Variants in BTC observed in about 807,000 individuals in gnomAD.
BTC encodes the protein probetacellulin.
In BTC, 13 loss-of-function variants were observed where a neutral mutation model predicts 18.1. The ratio of observed to expected loss-of-function variants is 0.72; its 90% CI spans 0.47 to 1.14. BTC has a LOEUF of 1.14. Among genes scored for constraint, BTC ranks in the 50% most tolerant of loss-of-function variants. The probability of loss-of-function intolerance (pLI) is 0.00; values close to 1 mark genes in which losing one functional copy is unlikely to be tolerated. For synonymous variants in BTC, 83 were observed against 79.4 expected (o/e 1.05, Z -0.24); for missense variants, 247 against 224.2 (o/e 1.10, Z -0.65).
At chr4:74,780,494 T>C (rs1725289474) in intron 1 of BTC, among the ~76,000 whole-genome samples, 1 of 152,202 alleles carries the variant, frequency 6.6e-6, no homozygotes, top group African/African-American at 2.4e-5. Context: ...GTCATTTACC[T>C]AAAAATGAGC....
intron 1 of BTC, 102 bp downstream of exon 1, chr4:74,794,160 C>A: frequency 7.0e-7 from 1 of 1,433,626 alleles, no homozygotes; most frequent in Non-Finnish European, 9.5e-7. Flanking sequence ...AGCCCCAGCG[C>A]GCCCTCTTGT....
intron 1 of BTC, among the ~76,000 whole-genome samples, chr4:74,786,914 CCTT>C (rs1453812802): frequency 6.6e-6 from 1 of 152,068 alleles, no homozygotes; most frequent in Non-Finnish European, 1.5e-5. Flanking sequence ...AGAAACCTGT[CCTT>C]CTACCACATC....
In BTC at chr4:74,746,190, A is replaced by AC. The variant is rs1421085294; in HGVS notation, c.*486_*487insG. 4 of 152,224 alleles carry AC rather than the reference A, an allele frequency of 2.6e-5. No homozygotes were observed. The highest frequency in any genetic ancestry group is 9.6e-5 in the African/African-American group (4 of 41,456). 9.4% of individuals were successfully genotyped at this position (152,224 alleles called of 1,614,324 possible). On this transcript the variant is annotated 3_prime_UTR_variant, in exon 6 of 6. Transcript: ENST00000395743. Reference sequence around the variant, plus strand: ...ATCTCCAACTCTCTAAATCTGGATTAGATTATTTGACTTGACTTCTTTGGC... The same window carrying AC: ...ATCTCCAACTCTCTAAATCTGGATTACGATTATTTGACTTGACTTCTTTGGC...
At chr4:74,790,937 G>A (rs1175552512) in intron 1 of BTC, among the ~76,000 whole-genome samples, 1 of 152,158 alleles carries the variant, frequency 6.6e-6, no homozygotes. Context: ...GAGACAGCTA[G>A]GATGAGCTTA....
chr4:74,788,683 G>A (rs193020204), intron 1 of BTC, among the ~76,000 whole-genome samples: 10 of 152,248 alleles, frequency 6.6e-5, no homozygotes, highest in Non-Finnish European at 1.3e-4. Flanking sequence ...AATAATGATA[G>A]TACTTTTCAT....
At chr4:74,766,262 T>G (rs1577957791) in intron 2 of BTC, among the ~76,000 whole-genome samples, 1 of 152,082 alleles carries the variant, frequency 6.6e-6, no homozygotes, top group East Asian at 1.9e-4. Flanking sequence ...ACAATACATT[T>G]GTATTATAAA....
chr4:74,785,516 G>T (rs1315519242), intron 1 of BTC, among the ~76,000 whole-genome samples: 1 of 152,072 alleles, frequency 6.6e-6, no homozygotes, highest in African/African-American at 2.4e-5. Flanking sequence ...GAAATGTTAG[G>T]TTGTTAACTT....
At chr4:74,750,514 A>T in intron 4 of BTC, 59 bp downstream of exon 4, 2 of 1,507,524 alleles carry the variant, frequency 1.3e-6, no homozygotes, top group Non-Finnish European at 1.8e-6. Flanking sequence ...AAAAGAAGAA[A>T]AACTATGAGC....
rs546839304 is a variant in BTC at position 74,793,905 on chromosome 4, C to G, written c.64+357G>C. Among the ~76,000 whole-genome samples, 5 of 150,402 alleles carry G rather than the reference C, an allele frequency of 3.3e-5. No individual in the cohort carries two copies. The East Asian group carries it at 1.0e-3, about 30-fold the overall frequency. ...GCCCCCACCCCCCGACCCTCACTTG[C>G]GAGCACAGCGCCTCACCCCGGTGGA... On this transcript the variant is annotated intron_variant, in intron 1 of 5. Coordinates refer to ENST00000395743, the MANE Select transcript of BTC (RefSeq NM_001729.4).
intron 1 of BTC, among the ~76,000 whole-genome samples, chr4:74,793,460 G>T (rs1327607548): frequency 6.6e-6 from 1 of 152,156 alleles, no homozygotes; most frequent in East Asian, 1.9e-4. Context: ...CCACATAAAT[G>T]CTCCAAACCC....
At chr4:74,748,010 G>T in intron 5 of BTC, 30 bp downstream of exon 5, 2 of 1,338,910 alleles carry the variant, frequency 1.5e-6, no homozygotes, top group Non-Finnish European at 1.0e-6. Context: ...CACCTGAATA[G>T]TTTTCTATCA....
rs559645783 is a variant in BTC at position 74,750,482 on chromosome 4, A to G, written c.428+91T>C. 7.4e-6 allele frequency: 10 copies of G among 1,351,116 alleles called. No homozygotes were observed. In the African/African-American group the frequency reaches 8.9e-5, roughly 12 times the overall value. The allele number at this position is 1,351,116 out of a possible 1,614,324, so 83.7% of individuals were successfully genotyped here. A position where few individuals can be genotyped will look rare whatever the true frequency, so the allele number is the denominator to read the frequency against. ...AATTTATTTGAATCAAAGAAAAAGCAAAAGAGAATGTAAAGAGGAAGAAAA... is the reference window on the plus strand; with the variant it reads ...AATTTATTTGAATCAAAGAAAAAGCGAAAGAGAATGTAAAGAGGAAGAAAA... On this transcript the variant is annotated intron_variant, in intron 4 of 5. Coordinates refer to ENST00000395743, the MANE Select transcript of BTC (RefSeq NM_001729.4).
At chr4:74,773,660 A>T (rs1447152260) in intron 1 of BTC, among the ~76,000 whole-genome samples, 1 of 151,086 alleles carries the variant, frequency 6.6e-6, no homozygotes, top group Non-Finnish European at 1.5e-5. Context: ...TGCCCAGGAT[A>T]GAGGGCAGTG....
chr4:74,750,457 A>T (rs7673066), intron 4 of BTC, 116 bp downstream of exon 4: 1 of 1,091,286 alleles, frequency 9.2e-7, no homozygotes, highest in Non-Finnish European at 1.3e-6. Context: ...TCAAAAAGTA[A>T]ATTTATTTGA....
chr4:74,748,055 T>C lies in BTC; in HGVS notation c.523A>G (p.Thr175Ala). Residue 175 changes from threonine (T) to alanine (A), a missense_variant, in exon 5 of 6, where the codon ACA becomes GCA. Physicochemically the swap from Thr to Ala is moderately conservative, Grantham distance 58 (BLOSUM62 0). Transcript: ENST00000395743. ...ITPINEDIEE[T>A]NIA ...TCTCACTTACTTTAAGCAATATTTG[T>C]CTCTTCAATATCTTCATTGATAGGA... The C allele has an allele frequency of 1.3e-6, 2 of 1,588,054 alleles. No individual in the cohort carries two copies. The highest frequency in any genetic ancestry group is 8.6e-7 in the Non-Finnish European group (1 of 1,160,830).
intron 1 of BTC, among the ~76,000 whole-genome samples, chr4:74,793,240 C>G (rs1725681294): frequency 1.3e-5 from 2 of 152,208 alleles, no homozygotes; most frequent in Non-Finnish European, 2.9e-5. Context: ...GGTCCTAAGT[C>G]TGATCCACCT....
At chr4:74,764,641 T>G (rs1724849432) in intron 2 of BTC, among the ~76,000 whole-genome samples, 1 of 152,146 alleles carries the variant, frequency 6.6e-6, no homozygotes, top group South Asian at 2.1e-4. Context: ...GAAATACTAC[T>G]TGGCCATAAA....
intron 1 of BTC, among the ~76,000 whole-genome samples, chr4:74,791,535 G>A (rs1163710559): frequency 1.3e-5 from 2 of 151,926 alleles, no homozygotes; most frequent in Admixed American, 6.6e-5. Flanking sequence ...ACACATAAAC[G>A]TGTAATTTAT....
At chr4:74,786,459 C>T (rs758703076) in intron 1 of BTC, among the ~76,000 whole-genome samples, 13 of 152,218 alleles carry the variant, frequency 8.5e-5, no homozygotes, top group Non-Finnish European at 1.6e-4. Flanking sequence ...TCAACACTAA[C>T]AACTCAGGCT....
Sources: gnomAD v4.1 joint callset for allele counts (sites outside exome capture counted in the v4.1 genomes callset) on GRCh38, gnomAD v4.1.1 for gene constraint, MANE v1.5 for transcripts, NCBI Gene and HGNC (gene_info 2026-07-23, HGNC 2026-07-21) for gene names.